Variants in DOCK8 observed in about 807,000 individuals in gnomAD.
The protein encoded by DOCK8 is dedicator of cytokinesis 8.
Under a neutral mutation model 245.6 loss-of-function variants are expected in DOCK8, and 141 were observed. The ratio of observed to expected loss-of-function variants is 0.57; its 90% CI spans 0.50 to 0.66. The LOEUF (loss-of-function observed/expected upper bound fraction) is 0.66. DOCK8 is among the 30% of genes least tolerant of loss of function. DOCK8 has a pLI of 0.00. For missense variants in DOCK8, 2,965 were observed against 2,603.4 expected, an observed-to-expected ratio of 1.14 and a Z score of -3.02; for synonymous variants, 1,168 against 970.2, an observed-to-expected ratio of 1.20 and a Z score of -3.79.
chr9:356,452 C>A (rs796480549), intron 14 of DOCK8, among the ~76,000 whole-genome samples: 29 of 152,034 alleles, frequency 1.9e-4, no homozygotes, highest in African/African-American at 7.0e-4. Context: ...ATAGCGTGAA[C>A]CCAGGAGGCA....
At chr9:308,955 C>T (rs895107701) in intron 5 of DOCK8, among the ~76,000 whole-genome samples, 1 of 152,182 alleles carries the variant, frequency 6.6e-6, no homozygotes, top group African/African-American at 2.4e-5. Flanking sequence ...CCGCACCTGG[C>T]CAGGTTCTTT....
chr9:371,218 C>T lies in DOCK8; in HGVS notation c.1869-210C>T, dbSNP rs547162908. Among the ~76,000 whole-genome samples the T allele has an allele frequency of 1.1e-4, 17 of 151,706 alleles. No individual in the cohort carries two copies. The East Asian group carries it at 3.1e-3, about 28-fold the overall frequency. On this transcript the variant is annotated intron_variant, in intron 16 of 47. Coordinates refer to ENST00000432829, the MANE Select transcript of DOCK8 (RefSeq NM_203447.4). Reference sequence around the variant, plus strand: ...TGTTTTTTGTTTTTCCTGACAAAGCCTTTAGTTCATGAACAGTTTTATGTA... The same window carrying T: ...TGTTTTTTGTTTTTCCTGACAAAGCTTTTAGTTCATGAACAGTTTTATGTA...
intron 1 of DOCK8, among the ~76,000 whole-genome samples, chr9:225,987 A>C (rs1397887529): frequency 1.1e-4 from 16 of 152,216 alleles, no homozygotes; most frequent in Non-Finnish European, 2.4e-4. Context: ...CAAAGAACGA[A>C]TCACATAAAA....
chr9:295,038 T>C (rs2049197327), intron 4 of DOCK8, among the ~76,000 whole-genome samples: 1 of 152,080 alleles, frequency 6.6e-6, no homozygotes, highest in Non-Finnish European at 1.5e-5. Context: ...CACGTGCCTG[T>C]AGTCCCAGTT....
At chr9:265,830 G>A (rs1282755455) in intron 1 of DOCK8, among the ~76,000 whole-genome samples, 1 of 152,110 alleles carries the variant, frequency 6.6e-6, no homozygotes, top group Non-Finnish European at 1.5e-5. Context: ...CTGGAAAGAT[G>A]CTCAGGACTA....
chr9:394,407 T>A (rs2054347245), intron 24 of DOCK8, among the ~76,000 whole-genome samples: 1 of 152,222 alleles, frequency 6.6e-6, no homozygotes, highest in South Asian at 2.1e-4. Context: ...GCCCAGGAAG[T>A]TATTTGAAAA....
Position 289,389 on chromosome 9 carries a change from C to T in DOCK8, c.333-121C>T. ...GACATTTGGAATGATTGGGCAAGAA[C>T]ATCCTAAGCATTCTCACTGATAAGG... On this transcript the variant is annotated intron_variant, in intron 3 of 47. Coordinates refer to ENST00000432829, the MANE Select transcript of DOCK8 (RefSeq NM_203447.4). 4 of 781,002 alleles carry T rather than the reference C, an allele frequency of 5.1e-6. No homozygotes were observed. The South Asian group carries it at 5.9e-5, about 12-fold the overall frequency. 48.4% of individuals were successfully genotyped at this position (781,002 alleles called of 1,614,324 possible). A position where few individuals can be genotyped will look rare whatever the true frequency, so the allele number is the denominator to read the frequency against.
chr9:342,329 A>G (rs912107379), intron 14 of DOCK8, among the ~76,000 whole-genome samples: 3 of 123,628 alleles, frequency 2.4e-5, no homozygotes, highest in Non-Finnish European at 5.1e-5. Context: ...GAGTATTACT[A>G]TGGAGTCGTG....
At chr9:334,662 C>G (rs762599052) in intron 11 of DOCK8, among the ~76,000 whole-genome samples, 1 of 151,914 alleles carries the variant, frequency 6.6e-6, no homozygotes, top group Non-Finnish European at 1.5e-5. Context: ...TGCTAGCCAC[C>G]CGCTCTCAAA....
chr9:337,060 C>A (rs935254833), intron 12 of DOCK8, among the ~76,000 whole-genome samples: 2 of 151,982 alleles, frequency 1.3e-5, no homozygotes, highest in Non-Finnish European at 2.9e-5. Context: ...TATAAAGCCA[C>A]CAGTTCCCCT....
chr9:215,207 C>G, intron 1 of DOCK8, 178 bp downstream of exon 1: 1 of 1,525,296 alleles, frequency 6.6e-7, no homozygotes, highest in Non-Finnish European at 8.8e-7. Context: ...GGACGCGCGG[C>G]GGCTCCTGCG....
At chr9:333,548 C>T in intron 10 of DOCK8, among the ~76,000 whole-genome samples, 1 of 151,872 alleles carries the variant, frequency 6.6e-6, no homozygotes, top group East Asian at 1.9e-4. Context: ...TTGCAGTGAG[C>T]CGAGATCGTG....
At chr9:343,890 A>C (rs149046894) in intron 14 of DOCK8, among the ~76,000 whole-genome samples, 1 of 152,230 alleles carries the variant, frequency 6.6e-6, no homozygotes, top group African/African-American at 2.4e-5. Flanking sequence ...AATCACCCAC[A>C]GGTGGCATTT....
intron 14 of DOCK8, among the ~76,000 whole-genome samples, chr9:341,774 G>A (rs962842538): frequency 1.3e-5 from 2 of 152,188 alleles, no homozygotes; most frequent in African/African-American, 2.4e-5. Flanking sequence ...AGGCTGCATG[G>A]CAGGAGGTGA....
intron 22 of DOCK8, 87 bp downstream of exon 22, chr9:382,772 T>A: frequency 6.6e-7 from 1 of 1,512,850 alleles, no homozygotes; most frequent in Non-Finnish European, 9.0e-7. Context: ...AAGCAACCAC[T>A]ACTGCTGCCC....
chr9:424,866 A>ATT (rs1491533287), intron 33 of DOCK8, among the ~76,000 whole-genome samples: 2 of 152,218 alleles, frequency 1.3e-5, no homozygotes, highest in African/African-American at 4.8e-5. Context: ...GGGAAAAAAC[A>ATT]GATTAGGACA....
At chr9:214,328 G>A (rs1159880919), upstream of DOCK8, 12 of 614,512 alleles carry the variant, frequency 2.0e-5, no homozygotes, top group Non-Finnish European at 8.2e-6. Context: ...AACATTTTTT[G>A]AGAACTCATA....
At chr9:313,317 A>C (rs2050206658) in intron 6 of DOCK8, among the ~76,000 whole-genome samples, 1 of 152,102 alleles carries the variant, frequency 6.6e-6, no homozygotes, top group South Asian at 2.1e-4. Context: ...TTTGTAACTA[A>C]CTCTCTTAAG....
intron 7 of DOCK8, among the ~76,000 whole-genome samples, chr9:317,849 A>C (rs1024795874): frequency 5.3e-5 from 8 of 152,196 alleles, no homozygotes; most frequent in African/African-American, 1.9e-4. Context: ...ATATGTTCTC[A>C]TTCCCTTTAT....
Sources: gnomAD v4.1 joint callset for allele counts (sites outside exome capture counted in the v4.1 genomes callset) on GRCh38, gnomAD v4.1.1 for gene constraint, MANE v1.5 for transcripts, NCBI Gene and HGNC (gene_info 2026-07-23, HGNC 2026-07-21) for gene names.